Variants in EXOC4 observed in about 807,000 individuals in gnomAD.
EXOC4 encodes exocyst complex component 4, also known as SEC8-like 1.
In EXOC4, 71 loss-of-function variants were observed where a neutral mutation model predicts 107.2. The observed-to-expected ratio is 0.66, with a 90% CI of 0.55 to 0.81. The LOEUF (loss-of-function observed/expected upper bound fraction) is 0.81, where lower values mean the gene tolerates loss of function less well. Ranked by LOEUF, EXOC4 falls within the 30% of genes least tolerant of loss-of-function variation. EXOC4 has a pLI of 0.00. For missense variants in EXOC4, 1,108 were observed against 1,189.6 expected (o/e 0.93, Z 1.01); for synonymous variants, 456 against 441.2 (o/e 1.03, Z -0.42).
intron 9 of EXOC4, among the ~76,000 whole-genome samples, chr7:133,517,367 C>T (rs1799896493): frequency 6.6e-6 from 1 of 152,126 alleles, no homozygotes; most frequent in Admixed American, 6.5e-5. Context: ...ATCTATTAAT[C>T]ATTTGAAGAT....
Position 134,004,903 on chromosome 7 carries a change from C to A in EXOC4, c.2349-9C>A. On this transcript the variant is annotated splice_polypyrimidine_tract_variant and intron_variant, in intron 15 of 17. Transcript: ENST00000253861. ...TATTAACTGCTCTCCCTATCTCTCTCTTTTTCAGGGTTCACTGTTTCCACT... is the reference window on the plus strand; with the variant it reads ...TATTAACTGCTCTCCCTATCTCTCTATTTTTCAGGGTTCACTGTTTCCACT... The A allele has an allele frequency of 6.2e-7, 1 of 1,608,632 alleles. No individual in the cohort carries two copies.
At chr7:133,970,680 G>A (rs139911613) in intron 14 of EXOC4, among the ~76,000 whole-genome samples, 116 of 152,218 alleles carry the variant, frequency 7.6e-4, no homozygotes, top group African/African-American at 2.6e-3. Flanking sequence ...TGCATCCAGT[G>A]TCTAACCGGT....
At chr7:133,481,162 A>T (rs1799148023) in intron 9 of EXOC4, 1 of 152,118 alleles carries the variant, frequency 6.6e-6, no homozygotes. Context: ...TATAAAGCTT[A>T]AAGATCTAGT....
At chr7:133,714,994 T>G (rs540165933) in intron 10 of EXOC4, among the ~76,000 whole-genome samples, 1 of 152,202 alleles carries the variant, frequency 6.6e-6, no homozygotes, top group Non-Finnish European at 1.5e-5. Flanking sequence ...TTCTAATACC[T>G]GATTCCATTA....
chr7:133,532,006 C>A (rs920343802), intron 9 of EXOC4, among the ~76,000 whole-genome samples: 1 of 151,874 alleles, frequency 6.6e-6, no homozygotes. Flanking sequence ...ATATACATAG[C>A]CTGAAGAAAT....
At chr7:133,364,844 A>G (rs1796216334) in intron 6 of EXOC4, among the ~76,000 whole-genome samples, 1 of 152,214 alleles carries the variant, frequency 6.6e-6, no homozygotes, top group South Asian at 2.1e-4. Context: ...GAGAAATGTG[A>G]AAGCTGAAAT....
intron 10 of EXOC4, among the ~76,000 whole-genome samples, chr7:133,679,009 GTTTATTC>G (rs2151066064): frequency 6.6e-6 from 1 of 152,048 alleles, no homozygotes; most frequent in South Asian, 2.1e-4. Context: ...TTATTTTTGT[GTTTATTC>G]TTTATGCATT....
At chr7:133,357,444 A>G (rs748670396) in intron 6 of EXOC4, among the ~76,000 whole-genome samples, 59 of 152,214 alleles carry the variant, frequency 3.9e-4, no homozygotes, top group Non-Finnish European at 7.8e-4. Flanking sequence ...TCCAATAGAC[A>G]AATCAGTCTC....
rs1799044263 is a variant in EXOC4, at chr7:133,884,713, TG to T, written c.1735-10885del. 2.0e-5 allele frequency among the ~76,000 whole-genome samples: 3 copies of T among 152,116 alleles called. No individual in the cohort carries two copies. In the South Asian group the frequency reaches 6.2e-4, roughly 32 times the overall value. The stretch of plus-strand genomic sequence containing the variant: ...AACCTTAGATTCTTAGCAGCATCTC[TG>T]AACTGTCCTCTCAGGAGCTAAAACA... On this transcript the variant is annotated intron_variant, in intron 11 of 17. Coordinates refer to ENST00000253861, the MANE Select transcript of EXOC4 (RefSeq NM_021807.4).
At chr7:133,820,257 G>A (rs2151219914) in intron 11 of EXOC4, among the ~76,000 whole-genome samples, 1 of 140,206 alleles carries the variant, frequency 7.1e-6, no homozygotes, top group African/African-American at 2.7e-5. Context: ...ATATCACTAA[G>A]TTTGTTTAAT....
In EXOC4 at chr7:133,754,478, A is replaced by G. The variant is rs1017501123; in HGVS notation, c.1515-62847A>G. Reference sequence around the variant, plus strand: ...CTGGAACCATGTCAGTAGTGGAACTATGGAGGTTGTTAAATAAGAAGAGAA... The same window carrying G: ...CTGGAACCATGTCAGTAGTGGAACTGTGGAGGTTGTTAAATAAGAAGAGAA... On this transcript the variant is annotated intron_variant, in intron 10 of 17. Coordinates refer to ENST00000253861, the MANE Select transcript of EXOC4 (RefSeq NM_021807.4). Among the ~76,000 whole-genome samples the G allele has an allele frequency of 1.3e-5, 2 of 152,152 alleles. 1 individual carries two copies.
chr7:133,411,846 T>C (rs964993602), intron 7 of EXOC4, among the ~76,000 whole-genome samples: 1 of 152,116 alleles, frequency 6.6e-6, no homozygotes, highest in African/African-American at 2.4e-5. Context: ...GGGGAAGCTG[T>C]GTCATAGTGT....
intron 11 of EXOC4, among the ~76,000 whole-genome samples, chr7:133,834,895 G>A (rs781366581): frequency 1.3e-5 from 2 of 152,134 alleles, no homozygotes; most frequent in African/African-American, 2.4e-5. Context: ...TGAATTATGG[G>A]TTGGGGGGGT....
intron 2 of EXOC4, among the ~76,000 whole-genome samples, chr7:133,281,495 T>G (rs1794141009): frequency 6.6e-6 from 1 of 151,822 alleles, no homozygotes; most frequent in South Asian, 2.1e-4. Context: ...CTCAGTATTT[T>G]ATACTTTTAA....
chr7:133,669,645 T>C (rs1372462137), intron 10 of EXOC4, among the ~76,000 whole-genome samples: 8 of 152,202 alleles, frequency 5.3e-5, no homozygotes, highest in African/African-American at 1.7e-4. Context: ...CTTCTAAATA[T>C]GTACAGTTTT....
chr7:133,474,532 T>A (rs1464925663), intron 7 of EXOC4, among the ~76,000 whole-genome samples: 1 of 151,684 alleles, frequency 6.6e-6, no homozygotes, highest in Non-Finnish European at 1.5e-5. Flanking sequence ...AGGCTGGTCT[T>A]GAACTTCTGG....
intron 10 of EXOC4, among the ~76,000 whole-genome samples, chr7:133,645,103 T>TC (rs1802956943): frequency 8.6e-6 from 1 of 115,778 alleles, no homozygotes; most frequent in Non-Finnish European, 1.9e-5. Flanking sequence ...TTTTTTTTTT[T>TC]TTCTTTGAGA....
At chr7:133,780,032 C>G (rs976242012) in intron 10 of EXOC4, among the ~76,000 whole-genome samples, 1 of 152,106 alleles carries the variant, frequency 6.6e-6, no homozygotes, top group South Asian at 2.1e-4. Flanking sequence ...TCGGGACACA[C>G]CCTGATGGTG....
intron 7 of EXOC4, among the ~76,000 whole-genome samples, chr7:133,377,620 A>G (rs535055302): frequency 1.3e-5 from 2 of 152,292 alleles, no homozygotes; most frequent in African/African-American, 4.8e-5. Flanking sequence ...ATCAGGAGAA[A>G]TGGTGACCAA....
Sources: allele counts gnomAD v4.1 joint callset (sites outside exome capture counted in the v4.1 genomes callset), GRCh38; gene constraint gnomAD v4.1.1; transcripts MANE v1.5; gene names NCBI Gene and HGNC (gene_info 2026-07-23, HGNC 2026-07-21).